Variants in CDKN2B-AS1 observed in about 807,000 individuals in gnomAD.
The protein encoded by CDKN2B-AS1 is CDKN2B and CDKN2A antisense cis and trans regulatory RNA 1, also known as CDKN2B antisense RNA 1 (non-protein coding).
At chr9:22,041,696 T>A (rs1822903399) in intron 1 of CDKN2B-AS1, among the ~76,000 whole-genome samples, 1 of 152,074 alleles carries the variant, frequency 6.6e-6, no homozygotes, top group Non-Finnish European at 1.5e-5. Flanking sequence ...CACTACAGAC[T>A]CTATTTTCTT....
rs1820906685 is a variant in CDKN2B-AS1, at chr9:22,001,232, C to T, written n.29+6071C>T. On this transcript the variant is annotated intron_variant and non_coding_transcript_variant, in intron 1 of 4. Transcript: ENST00000650946. This position sits in a 1 kb window ranked among gnomAD's most constrained non-coding sequence, Gnocchi z 4.2. ...AATATGAGAAATAAGACATGGTTTA[C>T]TTACTGTAATTGGTCTTAAAGTTTT... is the stretch of plus-strand genomic sequence containing the variant. Among the ~76,000 whole-genome samples the T allele has an allele frequency of 6.6e-6, 1 of 152,106 alleles. No homozygotes were observed. Among genetic ancestry groups the T allele is most frequent in the Non-Finnish European group, 1.5e-5 (1 of 67,992 alleles).
chr9:22,014,908 A>C (rs901815086), intron 1 of CDKN2B-AS1, among the ~76,000 whole-genome samples: 1 of 151,746 alleles, frequency 6.6e-6, no homozygotes, highest in South Asian at 2.1e-4. Flanking sequence ...ATGATTTCCA[A>C]TTTCATCCAT....
chr9:21,998,186 T>C (rs1035095317), intron 1 of CDKN2B-AS1, among the ~76,000 whole-genome samples: 2 of 152,186 alleles, frequency 1.3e-5, no homozygotes, highest in African/African-American at 4.8e-5. Context: ...AATATTAGTC[T>C]CAGCAAAATA....
intron 4 of CDKN2B-AS1, among the ~76,000 whole-genome samples, chr9:22,122,356 A>T (rs771776510): frequency 6.6e-6 from 1 of 151,790 alleles, no homozygotes; most frequent in Non-Finnish European, 1.5e-5. Flanking sequence ...TTGTATATTC[A>T]CTCTGTTGAT....
At chr9:22,027,663 T>A (rs1822297007) in intron 1 of CDKN2B-AS1, among the ~76,000 whole-genome samples, 1 of 152,208 alleles carries the variant, frequency 6.6e-6, no homozygotes, top group Non-Finnish European at 1.5e-5. Flanking sequence ...AGCAAATATT[T>A]ATTGAGTGTC....
chr9:22,052,715 A>G (rs768015651), intron 3 of CDKN2B-AS1, among the ~76,000 whole-genome samples: 4 of 152,238 alleles, frequency 2.6e-5, no homozygotes, highest in Non-Finnish European at 5.9e-5. Context: ...TTCAGTCCAG[A>G]GCAAGTGAAT....
rs1039469082 is a variant in CDKN2B-AS1 at position 22,032,775 on chromosome 9, C to T, written n.30-13976C>T. ...CCTCTACAAAATTAAAAACACTGGG[C>T]ATGTGGAAATAATATTCATGCTTTA... On this transcript the variant is annotated intron_variant and non_coding_transcript_variant, in intron 1 of 4. Coordinates refer to ENST00000650946, the Ensembl canonical transcript of CDKN2B-AS1. 3 of 151,722 alleles carry T rather than the reference C, an allele frequency of 2.0e-5. No individual in the cohort carries two copies. In the East Asian group the frequency reaches 5.9e-4, roughly 30 times the overall value. The allele number at this position is 151,722 out of a possible 1,614,324, so 9.4% of individuals were successfully genotyped here. A position where few individuals can be genotyped will look rare whatever the true frequency, so the allele number is the denominator to read the frequency against.
intron 1 of CDKN2B-AS1, among the ~76,000 whole-genome samples, chr9:22,041,603 A>T (rs1822899116): frequency 6.6e-6 from 1 of 152,092 alleles, no homozygotes; most frequent in South Asian, 2.1e-4. Flanking sequence ...AAATGGAAAG[A>T]GTTAAGCTCT....
At chr9:22,028,978 A>C (rs994628400) in intron 1 of CDKN2B-AS1, among the ~76,000 whole-genome samples, 1 of 152,150 alleles carries the variant, frequency 6.6e-6, no homozygotes, top group African/African-American at 2.4e-5. Context: ...TTGAAAATGA[A>C]CTTGTTTCTC....
At chr9:22,113,215 G>T (rs76063824) in intron 4 of CDKN2B-AS1, among the ~76,000 whole-genome samples, 200 of 152,216 alleles carry the variant, frequency 1.3e-3, no homozygotes, top group African/African-American at 4.6e-3. Context: ...CCAAGCTGGA[G>T]CCTGTGTCCC....
At chr9:22,012,487 CAAG>C (rs1821554550) in intron 1 of CDKN2B-AS1, 3 of 680,024 alleles carry the variant, frequency 4.4e-6, no homozygotes, top group East Asian at 6.0e-5. Context: ...TCAATTGCCG[CAAG>C]AAGAAGTGTG....
chr9:22,089,251 G>A (rs1378561118), intron 4 of CDKN2B-AS1, among the ~76,000 whole-genome samples: 1 of 152,086 alleles, frequency 6.6e-6, no homozygotes, highest in Admixed American at 6.6e-5. Context: ...ATAGTCTTTG[G>A]AGCAAATTTC....
intron 1 of CDKN2B-AS1, chr9:22,009,393 T>C (rs1021997461): frequency 1.3e-5 from 4 of 307,716 alleles, no homozygotes; most frequent in East Asian, 5.7e-5. Flanking sequence ...CCCTGTCCGC[T>C]GTGATCGCCG....
chr9:22,095,966 G>T lies in CDKN2B-AS1; in HGVS notation n.439-31137G>T, dbSNP rs184092462. 4.0e-5 allele frequency among the ~76,000 whole-genome samples: 6 copies of T among 151,656 alleles called. No individual in the cohort carries two copies. In the East Asian group the frequency reaches 1.2e-3, roughly 29 times the overall value. Reference sequence around the variant, plus strand: ...AGATCTTCCTCCATCCCTTTATTTTGAGCCTATGTGTGTTTCTGCACATGG... The same window carrying T: ...AGATCTTCCTCCATCCCTTTATTTTTAGCCTATGTGTGTTTCTGCACATGG... On this transcript the variant is annotated intron_variant and non_coding_transcript_variant, in intron 4 of 4. Coordinates refer to ENST00000650946, the Ensembl canonical transcript of CDKN2B-AS1.
At chr9:22,016,839 A>G (rs1821785426) in intron 1 of CDKN2B-AS1, among the ~76,000 whole-genome samples, 1 of 152,232 alleles carries the variant, frequency 6.6e-6, no homozygotes, top group South Asian at 2.1e-4. Flanking sequence ...AAAGGTGACT[A>G]ATGATTTTAA....
At chr9:22,113,547 G>T (rs1471790348) in intron 4 of CDKN2B-AS1, 5 of 152,128 alleles carry the variant, frequency 3.3e-5, no homozygotes, top group African/African-American at 1.2e-4. Flanking sequence ...TAGAAATTCT[G>T]CCTGCTGCAG....
At chr9:22,104,577 C>T (rs938435300) in intron 4 of CDKN2B-AS1, among the ~76,000 whole-genome samples, 28 of 152,166 alleles carry the variant, frequency 1.8e-4, no homozygotes, top group African/African-American at 6.5e-4. Context: ...TCTCTACCAC[C>T]GTACCTCTCC....
At chr9:22,055,654 A>G (rs1185362226) in intron 3 of CDKN2B-AS1, among the ~76,000 whole-genome samples, 3 of 152,170 alleles carry the variant, frequency 2.0e-5, no homozygotes, top group Non-Finnish European at 4.4e-5. Flanking sequence ...GAGGGCCAGG[A>G]ATATGAGTAA....
intron 4 of CDKN2B-AS1, among the ~76,000 whole-genome samples, chr9:22,124,584 T>A (rs1478202948): frequency 6.6e-6 from 1 of 152,238 alleles, no homozygotes; most frequent in Non-Finnish European, 1.5e-5. Context: ...GTCTTTAAAT[T>A]TTTTGTAGTA....
Sources: allele counts gnomAD v4.1 joint callset (sites outside exome capture counted in the v4.1 genomes callset), GRCh38; gene constraint gnomAD v4.1.1; non-coding constraint Gnocchi (gnomAD v3.1); transcripts MANE v1.5; gene names NCBI Gene and HGNC (gene_info 2026-07-23, HGNC 2026-07-21).